The following CYP4V2 variants were observed in gnomAD, a reference collection of about 807,000 sequenced individuals.
CYP4V2 encodes cytochrome P450 family 4 subfamily V member 2.
Under a neutral mutation model 60.8 loss-of-function variants are expected in CYP4V2, and 55 were observed. The ratio of observed to expected loss-of-function variants is 0.90; its 90% CI spans 0.73 to 1.13. CYP4V2 has a LOEUF of 1.13. CYP4V2 is among the 50% of genes most tolerant of loss of function. CYP4V2 has a pLI of 0.00. For synonymous variants in CYP4V2, 239 were observed against 236.8 expected, an observed-to-expected ratio of 1.01 and a Z score of -0.08; for missense variants, 675 against 662.9, an observed-to-expected ratio of 1.02 and a Z score of -0.20.
At chr4:186,202,643 TATGCTC>T (rs1736343613) in intron 7 of CYP4V2, 1 of 149,214 alleles carries the variant, frequency 6.7e-6, no homozygotes, top group South Asian at 2.2e-4. Context: ...CACACACACA[TATGCTC>T]ATGCACATAC....
chr4:186,204,896 G>C (rs1736450120), intron 7 of CYP4V2: 2 of 430,438 alleles, frequency 4.6e-6, no homozygotes, highest in South Asian at 4.2e-5. Context: ...ACTTTGTTCT[G>C]TTCACAAAGG....
intron 3 of CYP4V2, 49 bp from the exon 4 acceptor site, chr4:186,196,891 T>G (rs1180756129): frequency 6.4e-7 from 1 of 1,571,622 alleles, no homozygotes; most frequent in South Asian, 1.1e-5. Flanking sequence ...TCTCTTTCTC[T>G]CTCTCTCTCT....
intron 8 of CYP4V2, among the ~76,000 whole-genome samples, chr4:186,205,714 T>G (rs1444297520): frequency 1.3e-5 from 2 of 152,196 alleles, no homozygotes; most frequent in African/African-American, 4.8e-5. Context: ...AAAGGTGGAT[T>G]AAGCTTCGAG....
intron 7 of CYP4V2, chr4:186,203,661 T>C (rs1267605589): frequency 2.6e-5 from 4 of 152,248 alleles, no homozygotes; most frequent in Non-Finnish European, 5.9e-5. Flanking sequence ...CAAGGAAAGC[T>C]ATTAAAATTG....
intron 1 of CYP4V2, among the ~76,000 whole-genome samples, chr4:186,192,811 G>A (rs969540216): frequency 3.9e-5 from 6 of 152,142 alleles, no homozygotes; most frequent in African/African-American, 7.2e-5. Flanking sequence ...GAGGTACCCA[G>A]AAATGAGAAG....
chr4:186,209,009 C>T lies in CYP4V2; in HGVS notation c.1225+10C>T, dbSNP rs1181414975. 2 of 1,614,138 alleles carry T rather than the reference C, an allele frequency of 1.2e-6. No individual in the cohort carries two copies. Among genetic ancestry groups the T allele is most frequent in the African/African-American group, 1.3e-5 (1 of 75,022 alleles). The stretch of plus-strand genomic sequence containing the variant: ...GAAGATTGTGAAGTGGGTAAGTATG[C>T]TATACCTAAAGTAGAAGGGAGAGGG... On this transcript the variant is annotated intron_variant, in intron 9 of 10. Transcript: ENST00000378802.
At chr4:186,196,250 T>G in intron 3 of CYP4V2, 162 bp downstream of exon 3, 1 of 703,736 alleles carries the variant, frequency 1.4e-6, no homozygotes, top group South Asian at 1.5e-5. Flanking sequence ...GCAGCTGGCC[T>G]TTGCCCGTCA....
At chr4:186,200,020 T>A (rs924432536) in intron 6 of CYP4V2, among the ~76,000 whole-genome samples, 41 of 152,190 alleles carry the variant, frequency 2.7e-4, no homozygotes, top group Admixed American at 2.7e-3. Context: ...CAGTGGAGTG[T>A]GATCACCTGG....
At position 186,210,826 on chromosome 4, in the gene CYP4V2, T is replaced by C. The variant is rs1736694219; in HGVS notation, c.*185T>C. 1.4e-6 allele frequency: 1 copy of C among 728,726 alleles called. No homozygotes were observed. The highest frequency in any genetic ancestry group is 1.8e-5 in the African/African-American group (1 of 55,744). The allele number at this position is 728,726 out of a possible 1,614,324, so 45.1% of individuals were successfully genotyped here. The stretch of plus-strand genomic sequence containing the variant: ...AGTTTTGAGTTTTGTATTTTCTTTT[T>C]TCTTTTTTCTTTATTTTTTTTTTTT... On this transcript the variant is annotated 3_prime_UTR_variant, in exon 11 of 11. Coordinates refer to ENST00000378802, the MANE Select transcript of CYP4V2 (RefSeq NM_207352.4).
At chr4:186,201,722 G>A (rs1287812834) in intron 7 of CYP4V2, 2 of 247,898 alleles carry the variant, frequency 8.1e-6, no homozygotes, top group African/African-American at 4.7e-5. Flanking sequence ...GGTTCCAGCA[G>A]ATGAGCACTT....
intron 8 of CYP4V2, 118 bp from the exon 9 acceptor site, chr4:186,208,747 G>A: frequency 7.1e-7 from 1 of 1,408,652 alleles, no homozygotes. Context: ...GTTCTTCTTT[G>A]TTGGGTATTT....
intron 1 of CYP4V2, 147 bp downstream of exon 1, chr4:186,192,184 G>A: frequency 9.0e-7 from 1 of 1,108,902 alleles, no homozygotes; most frequent in Non-Finnish European, 1.3e-6. Context: ...AGTTCTAGTC[G>A]TTGCCCCTTG....
chr4:186,192,408 C>T, intron 1 of CYP4V2: 1 of 417,308 alleles, frequency 2.4e-6, no homozygotes, highest in East Asian at 5.4e-5. Flanking sequence ...CTGGCCAACA[C>T]CTTAACGCCC....
Position 186,212,615 on chromosome 4 carries a change from G to A in CYP4V2, c.*1974G>A, listed in dbSNP as rs1736762213. On this transcript the variant is annotated 3_prime_UTR_variant, in exon 11 of 11. Coordinates refer to ENST00000378802, the MANE Select transcript of CYP4V2 (RefSeq NM_207352.4). ...TCCAATCTCTCATAGTGCCTCACAGGGTTGGTCAATGGCTTTTGGAACTGG... is the reference window on the plus strand; with the variant it reads ...TCCAATCTCTCATAGTGCCTCACAGAGTTGGTCAATGGCTTTTGGAACTGG... 1 of 152,162 alleles carries A rather than the reference G, an allele frequency of 6.6e-6. No homozygotes were observed. The highest frequency in any genetic ancestry group is 2.1e-4 in the South Asian group (1 of 4,820). The allele number at this position is 152,162 out of a possible 1,614,324, so 9.4% of individuals were successfully genotyped here.
In CYP4V2 at chr4:186,196,313, G is replaced by A. The variant is rs145359522; in HGVS notation, c.413+225G>A. 1.8e-3 allele frequency: 1,012 copies of A among 568,854 alleles called. 8 individuals carry two copies. The highest frequency in any genetic ancestry group is 0.014 in the African/African-American group (761 of 53,306). 35.2% of individuals were successfully genotyped at this position (568,854 alleles called of 1,614,324 possible). ...ATCTTCAGCTGTGGTATTCAATAGC[G>A]ACTGTCGCCAGTGTTCAGGAAGACT... is the stretch of plus-strand genomic sequence containing the variant. On this transcript the variant is annotated intron_variant, in intron 3 of 10. Transcript: ENST00000378802.
rs1168767334 is a variant in CYP4V2, at chr4:186,194,360, A to T, written c.215-140A>T. The T allele has an allele frequency of 6.7e-6, 5 of 741,586 alleles. No homozygotes were observed. The East Asian group carries it at 1.1e-4, about 16-fold the overall frequency. 45.9% of individuals were successfully genotyped at this position (741,586 alleles called of 1,614,324 possible). On this transcript the variant is annotated intron_variant, in intron 1 of 10. Coordinates refer to ENST00000378802, the MANE Select transcript of CYP4V2 (RefSeq NM_207352.4). ...TTGCAGTATTACAGGCAGTTCACAC[A>T]TGCTCTCTACCTGGCTTCCTCTAAC...
intron 7 of CYP4V2, chr4:186,202,870 CCACATGCACACATGCATGCATA>C (rs1035627675): frequency 4.0e-4 from 59 of 148,324 alleles, no homozygotes; most frequent in African/African-American, 1.4e-3. Flanking sequence ...ACACATATAC[CCACATGCACACATGCATGCATA>C]CACATGCATG....
At chr4:186,205,736 C>G (rs1360737847) in intron 8 of CYP4V2, among the ~76,000 whole-genome samples, 1 of 152,184 alleles carries the variant, frequency 6.6e-6, no homozygotes, top group Non-Finnish European at 1.5e-5. Context: ...AGATACATTT[C>G]TATTACACAG....
At chr4:186,202,068 A>G (rs865778094) in intron 7 of CYP4V2, 1 of 152,112 alleles carries the variant, frequency 6.6e-6, no homozygotes, top group Admixed American at 6.5e-5. Flanking sequence ...AGTGTCCTGC[A>G]CTCTGGTGTG....
Sources: allele counts gnomAD v4.1 joint callset (sites outside exome capture counted in the v4.1 genomes callset), GRCh38; gene constraint gnomAD v4.1.1; transcripts MANE v1.5; gene names NCBI Gene and HGNC (gene_info 2026-07-23, HGNC 2026-07-21).